Variants in MDM2 observed in about 807,000 individuals in gnomAD.
The protein encoded by MDM2 is MDM2 proto-oncogene, also known as E3 ubiquitin-protein ligase Mdm2.
In MDM2, 11 loss-of-function variants were observed where a neutral mutation model predicts 64.3. That is an observed-to-expected ratio of 0.17 (90% confidence interval 0.11 to 0.28). The LOEUF is 0.28. Among genes scored for constraint, MDM2 ranks in the 10% least tolerant of loss-of-function variants. The probability of loss-of-function intolerance (pLI) is 1.00; values close to 1 mark genes in which losing one functional copy is unlikely to be tolerated. For synonymous variants in MDM2, 194 were observed against 192.9 expected (o/e 1.01, Z -0.05); for missense variants, 388 against 577.1 (o/e 0.67, Z 3.36).
In MDM2 at chr12:68,808,492, G is replaced by T; in HGVS notation, c.14+1G>T. 6.2e-7 allele frequency: 1 copy of T among 1,614,152 alleles called. No homozygotes were observed. Among genetic ancestry groups the T allele is most frequent in the Non-Finnish European group, 8.5e-7 (1 of 1,180,018 alleles). ...GAAAACCCCGGATGGTGAGGAGCAG[G>T]TACTGGCCCGGCAGCGAGCGGTCAC... is the stretch of plus-strand genomic sequence containing the variant. On this transcript the variant is annotated splice_donor_variant, in intron 1 of 10. Transcript: ENST00000258149. LOFTEE classifies it high-confidence loss of function.
At position 68,836,409 on chromosome 12, in the gene MDM2, G is replaced by T. The variant is rs1695147; in HGVS notation, c.841-263G>T. Reference sequence around the variant, plus strand: ...CCTATTATTTAATATCTCCATATTAGTTATTTATGAAGTAAAACCACCTAG... The same window carrying T: ...CCTATTATTTAATATCTCCATATTATTTATTTATGAAGTAAAACCACCTAG... On this transcript the variant is annotated intron_variant, in intron 9 of 10. Coordinates refer to ENST00000258149, the MANE Select transcript of MDM2 (RefSeq NM_002392.6). 0.76 allele frequency among the ~76,000 whole-genome samples: 114,970 copies of T among 152,078 alleles called. 44,935 individuals are homozygous for T. The highest frequency in any genetic ancestry group is 0.85 in the South Asian group (4,110 of 4,824).
At chr12:68,829,913 TTTG>T (rs1478857704) in intron 8 of MDM2, among the ~76,000 whole-genome samples, 1 of 152,278 alleles carries the variant, frequency 6.6e-6, no homozygotes, top group African/African-American at 2.4e-5. Context: ...AAAAAATTTT[TTTG>T]TTAACAAGAA....
chr12:68,828,850 A>G lies in MDM2; in HGVS notation c.603A>G (p.Glu201=), dbSNP rs2136148951. ...ATAGTATTTCCCTTTCCTTTGATGA[A>G]AGCCTGGCTCTGTGTGTAATAAGGG... ...KSDSISLSFD[E]SLALCVIREI... Residue 201 remains glutamate (E), a synonymous_variant, in exon 8 of 11, where the codon GAA becomes GAG. Transcript: ENST00000258149. 1 of 1,614,096 alleles carries G rather than the reference A, an allele frequency of 6.2e-7. No homozygotes were observed. The highest frequency in any genetic ancestry group is 1.1e-5 in the South Asian group (1 of 91,080).
rs1883986026 is a variant in MDM2 at position 68,843,484 on chromosome 12, A to G, written c.*3635A>G. 4.4e-6 allele frequency: 1 copy of G among 225,584 alleles called. No individual in the cohort carries two copies. Among genetic ancestry groups the G allele is most frequent in the Non-Finnish European group, 8.7e-6 (1 of 114,318 alleles). 14.0% of individuals were successfully genotyped at this position (225,584 alleles called of 1,614,324 possible). A position where few individuals can be genotyped will look rare whatever the true frequency, so the allele number is the denominator to read the frequency against. ...AACATTTAAAATTTCTAATATAAGT[A>G]TCTCTCAAACTGTGGATTAACTTCT... On this transcript the variant is annotated 3_prime_UTR_variant, in exon 11 of 11. Coordinates refer to ENST00000258149, the MANE Select transcript of MDM2 (RefSeq NM_002392.6).
intron 4 of MDM2, among the ~76,000 whole-genome samples, chr12:68,817,703 C>T (rs965052623): frequency 1.3e-5 from 2 of 151,844 alleles, no homozygotes; most frequent in Non-Finnish European, 2.9e-5. Context: ...TGAGGTGAGC[C>T]GAGATTGCGC....
At position 68,841,501 on chromosome 12, in the gene MDM2, C is replaced by CA. The variant is rs1426281013; in HGVS notation, c.*1656dup. The CA allele has an allele frequency of 2.4e-5, 5 of 209,012 alleles. No homozygotes were observed. The highest frequency in any genetic ancestry group is 1.1e-4 in the African/African-American group (5 of 43,930). 12.9% of individuals were successfully genotyped at this position (209,012 alleles called of 1,614,324 possible). ...AAATAGCCACCATTTACCCGTAAGA[C>CA]AAAACTTGTTAAAGCCTCCTGAGTC... On this transcript the variant is annotated 3_prime_UTR_variant, in exon 11 of 11. Transcript: ENST00000258149.
chr12:68,808,921 C>T, intron 1 of MDM2: 3 of 1,365,120 alleles, frequency 2.2e-6, no homozygotes, highest in Non-Finnish European at 2.8e-6. Context: ...TCCTCTTGAG[C>T]TGGTCAAGTT....
intron 8 of MDM2, among the ~76,000 whole-genome samples, chr12:68,831,375 G>T (rs1882783392): frequency 6.6e-6 from 1 of 152,140 alleles, no homozygotes; most frequent in Admixed American, 6.5e-5. Context: ...CAGAGGATTG[G>T]TTTGACCAGG....
chr12:68,850,343 GA>G (rs1267403878), downstream of MDM2: 2 of 151,668 alleles, frequency 1.3e-5, no homozygotes, highest in Non-Finnish European at 2.9e-5. Flanking sequence ...ATATACCAGG[GA>G]ACTTCTGCTT....
chr12:68,817,923 G>A (rs1174317232), intron 4 of MDM2, among the ~76,000 whole-genome samples: 2 of 151,816 alleles, frequency 1.3e-5, no homozygotes, highest in African/African-American at 2.4e-5. Context: ...TCGGCTTCCC[G>A]AGTAGCTGGG....
At chr12:68,808,843 C>T (rs1880599988) in intron 1 of MDM2, 1 of 886,342 alleles carries the variant, frequency 1.1e-6, no homozygotes, top group Non-Finnish European at 1.4e-6. Flanking sequence ...TGTCGGGTCA[C>T]TAGTGTGAAC....
chr12:68,809,617 C>T (rs1355758888), intron 2 of MDM2, among the ~76,000 whole-genome samples: 1 of 151,800 alleles, frequency 6.6e-6, no homozygotes, highest in Non-Finnish European at 1.5e-5. Flanking sequence ...TTCTAAAAGT[C>T]AAAAAAGTTA....
At chr12:68,810,441 T>C (rs1000496640) in intron 2 of MDM2, among the ~76,000 whole-genome samples, 9 of 152,228 alleles carry the variant, frequency 5.9e-5, no homozygotes, top group Admixed American at 5.2e-4. Context: ...CAATACTGAA[T>C]ATCACCAATC....
chr12:68,822,365 A>T, intron 5 of MDM2, among the ~76,000 whole-genome samples: 1 of 83,968 alleles, frequency 1.2e-5, no homozygotes, highest in African/African-American at 3.9e-5. Context: ...TTATTGTTTT[A>T]AAGCTCTTTT....
Position 68,844,055 on chromosome 12 carries a change from G to A in MDM2, c.*4206G>A, listed in dbSNP as rs190426184. The A allele has an allele frequency of 9.7e-6, 2 of 206,362 alleles. No individual in the cohort carries two copies. The highest frequency in any genetic ancestry group is 1.5e-4 in the East Asian group (2 of 13,494). The allele number at this position is 206,362 out of a possible 1,614,324, so 12.8% of individuals were successfully genotyped here. A position where few individuals can be genotyped will look rare whatever the true frequency, so the allele number is the denominator to read the frequency against. On this transcript the variant is annotated 3_prime_UTR_variant, in exon 11 of 11. Transcript: ENST00000258149. ...AACATAGTACACTTGATATATGGAG[G>A]CAGTGACAGCTATTTTTACAAAATT...
Position 68,828,783 on chromosome 12 carries a change from A to G in MDM2, c.536A>G (p.Asp179Gly), listed in dbSNP as rs138567205. ...RAISETEENSDELSGERQRKR... is the reference protein window; with the variant it reads ...RAISETEENSGELSGERQRKR... ...CTTACATATCCAGAAGAAAATTCAG[A>G]TGAATTATCTGGTGAACGACAAAGA... Residue 179 changes from aspartate to glycine, a missense_variant, in exon 8 of 11, where the codon GAT becomes GGT. Asp to Gly is a moderately conservative substitution (Grantham distance 94). This residue lies in a region of MDM2 where 168 missense variants were observed against 236.6 expected (regional missense o/e 0.71). Coordinates refer to ENST00000258149, the MANE Select transcript of MDM2 (RefSeq NM_002392.6). 3.8e-5 allele frequency: 61 copies of G among 1,613,872 alleles called. No homozygotes were observed. In the African/African-American group the frequency reaches 7.1e-4, roughly 19 times the overall value.
chr12:68,825,831 C>T (rs1326857255), intron 7 of MDM2, among the ~76,000 whole-genome samples: 2 of 152,106 alleles, frequency 1.3e-5, no homozygotes, highest in South Asian at 2.1e-4. Flanking sequence ...GAATCTCGTA[C>T]ATGCGGGCAG....
intron 5 of MDM2, among the ~76,000 whole-genome samples, chr12:68,821,472 C>G (rs1881844025): frequency 6.6e-6 from 1 of 152,170 alleles, no homozygotes; most frequent in Non-Finnish European, 1.5e-5. Context: ...CCTATAATTC[C>G]AGCACTTTAG....
intron 7 of MDM2, 37 bp from the exon 8 acceptor site, chr12:68,828,734 C>T (rs752390412): frequency 1.2e-6 from 2 of 1,600,022 alleles, no homozygotes; most frequent in East Asian, 2.2e-5. Flanking sequence ...TTCTAAATCA[C>T]AGTACAGCAA....
Sources: allele counts gnomAD v4.1 joint callset (sites outside exome capture counted in the v4.1 genomes callset), GRCh38; gene constraint gnomAD v4.1.1; regional missense constraint gnomAD v4.1.1; transcripts MANE v1.5; gene names NCBI Gene and HGNC (gene_info 2026-07-23, HGNC 2026-07-21).